Variants in FAM111B observed in about 807,000 individuals in gnomAD.
FAM111B encodes FAM111 trypsin like peptidase B, also known as serine protease FAM111B.
Under a neutral mutation model 2.8 loss-of-function variants are expected in FAM111B, and 1 was observed. The observed-to-expected ratio is 0.36, with a 90% CI of 0.13 to 1.70. FAM111B has a LOEUF of 1.70. Ranked by LOEUF, FAM111B falls within the 40% of genes most tolerant of loss-of-function variation. FAM111B has a pLI of 0.35. For synonymous variants in FAM111B, 297 were observed against 295.6 expected, an observed-to-expected ratio of 1.00 and a Z score of -0.05; for missense variants, 882 against 878.9, an observed-to-expected ratio of 1.00 and a Z score of -0.04.
Position 59,126,130 on chromosome 11 carries a change from A to T in FAM111B, c.2033A>T (p.His678Leu), listed in dbSNP as rs770933468. Residue 678 changes from histidine (H) to leucine (L), a missense_variant, in exon 4 of 4, where the codon CAT (histidine) becomes CTT (leucine). His to Leu is a moderately conservative substitution (Grantham distance 99). Coordinates refer to ENST00000343597, the MANE Select transcript of FAM111B (RefSeq NM_198947.4). ...GLFYQRGFNV[H>L]ALIEFGYSMD... Reference sequence around the variant, plus strand: ...TTTTATCAACGAGGATTTAATGTGCATGCCCTTATTGAATTTGGTTATTCT... The same window carrying T: ...TTTTATCAACGAGGATTTAATGTGCTTGCCCTTATTGAATTTGGTTATTCT... The T allele has an allele frequency of 6.2e-7, 1 of 1,613,118 alleles. No individual in the cohort carries two copies. The highest frequency in any genetic ancestry group is 8.5e-7 in the Non-Finnish European group (1 of 1,179,682).
At chr11:59,113,625 A>G (rs1307182901) in intron 3 of FAM111B, among the ~76,000 whole-genome samples, 2 of 152,202 alleles carry the variant, frequency 1.3e-5, no homozygotes, top group African/African-American at 4.8e-5. Flanking sequence ...TCCTCAAAAG[A>G]GAAACCTCTA....
rs1860000924 is a variant in FAM111B, at chr11:59,125,207, G to T, written c.1110G>T (p.Leu370=). The T allele has an allele frequency of 6.2e-7, 1 of 1,613,980 alleles. No homozygotes were observed. Among genetic ancestry groups the T allele is most frequent in the East Asian group, 2.2e-5 (1 of 44,882 alleles). Residue 370 remains leucine, a synonymous_variant, in exon 4 of 4, where the codon CTG becomes CTT. Coordinates refer to ENST00000343597, the MANE Select transcript of FAM111B (RefSeq NM_198947.4). The part of the protein sequence containing the change: ...INSQVRRRPH[L]GRRYAINLDV... ...CACAAGTTAGACGGAGGCCGCATCT[G>T]GGTAGGCGGTATGCTATTAATCTGG... is the stretch of plus-strand genomic sequence containing the variant.
At chr11:59,116,101 CA>C (rs1324805386) in intron 3 of FAM111B, among the ~76,000 whole-genome samples, 1 of 152,178 alleles carries the variant, frequency 6.6e-6, no homozygotes, top group Non-Finnish European at 1.5e-5. Context: ...TGCTCTGCCC[CA>C]AGGCCTCGAG....
At chr11:59,109,328 T>A (rs1342011464) in intron 2 of FAM111B, among the ~76,000 whole-genome samples, 1 of 152,204 alleles carries the variant, frequency 6.6e-6, no homozygotes. Context: ...CAAAACTCCT[T>A]GCTTGTCTTC....
Position 59,117,668 on chromosome 11 carries a change from C to A in FAM111B, c.82-6511C>A, listed in dbSNP as rs79133462. ...CACCTCCCTCAGAGGTTTCACAGGG[C>A]AAGCTGGGACTGGCACTGAATCCTC... is the stretch of plus-strand genomic sequence containing the variant. On this transcript the variant is annotated intron_variant, in intron 3 of 3. Coordinates refer to ENST00000343597, the MANE Select transcript of FAM111B (RefSeq NM_198947.4). Among the ~76,000 whole-genome samples, 847 of 152,278 alleles carry A rather than the reference C, an allele frequency of 5.6e-3. 6 individuals are homozygous for A. Among genetic ancestry groups the A allele is most frequent in the African/African-American group, 0.019 (779 of 41,546 alleles).
In FAM111B at chr11:59,127,036, C is replaced by T. The variant is rs1860049801; in HGVS notation, c.*734C>T. ...ATAAAGAAAATGTGACACATATACA[C>T]CATAGCATACTACACAGCCATAAAA... is the stretch of plus-strand genomic sequence containing the variant. On this transcript the variant is annotated 3_prime_UTR_variant, in exon 4 of 4. Coordinates refer to ENST00000343597, the MANE Select transcript of FAM111B (RefSeq NM_198947.4). The T allele has an allele frequency of 6.6e-6, 1 of 152,216 alleles. No individual in the cohort carries two copies. The highest frequency in any genetic ancestry group is 2.1e-4 in the South Asian group (1 of 4,822). The allele number at this position is 152,216 out of a possible 1,614,324, so 9.4% of individuals were successfully genotyped here. A position where few individuals can be genotyped will look rare whatever the true frequency, so the allele number is the denominator to read the frequency against.
At chr11:59,120,815 A>G (rs1028615381) in intron 3 of FAM111B, among the ~76,000 whole-genome samples, 4 of 152,342 alleles carry the variant, frequency 2.6e-5, no homozygotes, top group East Asian at 1.9e-4. Flanking sequence ...CCAAATAAGT[A>G]TCACATTTTG....
In FAM111B at chr11:59,124,519, T is replaced by C; in HGVS notation, c.422T>C (p.Ile141Thr). ...GAAGAAAAGACAATAGATGGACATA[T>C]AAATTTAGGAATGCCTCTCAAGTGC... ...VYEEKTIDGH[I>T]NLGMPLKCLP... The change falls in exon 4 of 4, where the codon ATA (isoleucine) becomes ACA (threonine). Residue 141 changes from isoleucine to threonine, a missense_variant. Transcript: ENST00000343597. 6.2e-7 allele frequency: 1 copy of C among 1,613,472 alleles called. No individual in the cohort carries two copies. The highest frequency in any genetic ancestry group is 8.5e-7 in the Non-Finnish European group (1 of 1,179,710).
rs772227005 is a variant in FAM111B, at chr11:59,109,641, A to C, written c.16A>C (p.Thr6Pro). ...TGAACTCATCATGAATTCCATGAAG[A>C]CTGAAGAAAACAAGTCATTTAGCGC... MNSMK[T>P]EENKSFSAME... is the part of the protein sequence containing the mutation. The change falls in exon 3 of 4, where the codon ACT (threonine) becomes CCT (proline). Residue 6 changes from threonine (T) to proline (P), a missense_variant. Transcript: ENST00000343597. 6.2e-7 allele frequency: 1 copy of C among 1,610,838 alleles called. No individual in the cohort carries two copies. The highest frequency in any genetic ancestry group is 8.5e-7 in the Non-Finnish European group (1 of 1,178,194).
chr11:59,121,401 A>G (rs1253016673), intron 3 of FAM111B, among the ~76,000 whole-genome samples: 1 of 152,184 alleles, frequency 6.6e-6, no homozygotes, highest in African/African-American at 2.4e-5. Context: ...GTAAGATGCT[A>G]TTTCACACCC....
intron 3 of FAM111B, among the ~76,000 whole-genome samples, chr11:59,116,929 C>A (rs1013965316): frequency 6.6e-6 from 1 of 152,214 alleles, no homozygotes; most frequent in Non-Finnish European, 1.5e-5. Flanking sequence ...CCCTTCTGGA[C>A]CTGGGCATCC....
Position 59,126,497 on chromosome 11 carries a change from C to A in FAM111B, c.*195C>A. 3 of 451,302 alleles carry A rather than the reference C, an allele frequency of 6.6e-6. No homozygotes were observed. Among genetic ancestry groups the A allele is most frequent in the Non-Finnish European group, 1.2e-5 (3 of 259,236 alleles). The allele number at this position is 451,302 out of a possible 1,614,324, so 28.0% of individuals were successfully genotyped here. A position where few individuals can be genotyped will look rare whatever the true frequency, so the allele number is the denominator to read the frequency against. ...TGGGAGAAAATATTTGCAAACTATG[C>A]ATACAGCAAAGATCTAATATTCAGA... On this transcript the variant is annotated 3_prime_UTR_variant, in exon 4 of 4. Coordinates refer to ENST00000343597, the MANE Select transcript of FAM111B (RefSeq NM_198947.4).
chr11:59,117,802 C>A (rs2135399720), intron 3 of FAM111B, among the ~76,000 whole-genome samples: 1 of 152,332 alleles, frequency 6.6e-6, no homozygotes, highest in South Asian at 2.1e-4. Context: ...CTCCTGTTAC[C>A]AGTGGAGGGT....
rs1005339712 is a variant in FAM111B at position 59,116,554 on chromosome 11, T to C, written c.81+6848T>C. On this transcript the variant is annotated intron_variant, in intron 3 of 3. Transcript: ENST00000343597. ...GCCCCTCTTCTGGAGCCCAGAGCTA[T>C]AGAGGGAAGAGTGACTGGCTTCTAG... Among the ~76,000 whole-genome samples, 3 of 152,114 alleles carry C rather than the reference T, an allele frequency of 2.0e-5. No homozygotes were observed. The East Asian group carries it at 5.8e-4, about 29-fold the overall frequency.
Position 59,107,469 on chromosome 11 carries a change from T to C in FAM111B, c.-132+173T>C, listed in dbSNP as rs114738225. On this transcript the variant is annotated intron_variant, in intron 1 of 3. Coordinates refer to ENST00000343597, the MANE Select transcript of FAM111B (RefSeq NM_198947.4). Reference sequence around the variant, plus strand: ...TCTCAGCTTCAAAGGCCAAGAGTTGTACTCCTGAAGAGATACTTAGAGATC... The same window carrying C: ...TCTCAGCTTCAAAGGCCAAGAGTTGCACTCCTGAAGAGATACTTAGAGATC... Among the ~76,000 whole-genome samples the C allele has an allele frequency of 1.8e-3, 274 of 152,352 alleles. 1 individual carries two copies. Among genetic ancestry groups the C allele is most frequent in the African/African-American group, 6.3e-3 (264 of 41,584 alleles).
In FAM111B at chr11:59,114,022, T is replaced by G. The variant is rs190923945; in HGVS notation, c.81+4316T>G. Among the ~76,000 whole-genome samples, 74 of 152,262 alleles carry G rather than the reference T, an allele frequency of 4.9e-4. No individual in the cohort carries two copies. In the East Asian group the frequency reaches 0.013, roughly 27 times the overall value. On this transcript the variant is annotated intron_variant, in intron 3 of 3. Coordinates refer to ENST00000343597, the MANE Select transcript of FAM111B (RefSeq NM_198947.4). Reference sequence around the variant, plus strand: ...AGAGATTATCCAGGAAACAGACAAATAGAAAGTTTTCGCTAGTGGATCAAG... The same window carrying G: ...AGAGATTATCCAGGAAACAGACAAAGAGAAAGTTTTCGCTAGTGGATCAAG...
chr11:59,109,585 A>G lies in FAM111B; in HGVS notation c.-41A>G. 4 of 1,329,364 alleles carry G rather than the reference A, an allele frequency of 3.0e-6. No individual in the cohort carries two copies. The highest frequency in any genetic ancestry group is 4.2e-6 in the Non-Finnish European group (4 of 956,254). 82.3% of individuals were successfully genotyped at this position (1,329,364 alleles called of 1,614,324 possible). ...AATTCAATCCTTGTTTCTCCATCTT[A>G]TCGAGTAGTAGAAGTTAGTTACATT... is the stretch of plus-strand genomic sequence containing the variant. On this transcript the variant is annotated 5_prime_UTR_variant, in exon 3 of 4. Transcript: ENST00000343597.
intron 3 of FAM111B, among the ~76,000 whole-genome samples, chr11:59,117,832 G>C (rs180901216): frequency 1.3e-5 from 2 of 152,188 alleles, no homozygotes; most frequent in East Asian, 1.9e-4. Context: ...AAGTTGTCCT[G>C]GTTCCTGGCA....
chr11:59,123,265 A>C (rs1301843525), intron 3 of FAM111B, among the ~76,000 whole-genome samples: 1 of 152,224 alleles, frequency 6.6e-6, no homozygotes, highest in African/African-American at 2.4e-5. Context: ...CTAGTAAGTG[A>C]ATAAATGTAC....
Sources: allele counts gnomAD v4.1 joint callset (sites outside exome capture counted in the v4.1 genomes callset), GRCh38; gene constraint gnomAD v4.1.1; transcripts MANE v1.5; gene names NCBI Gene and HGNC (gene_info 2026-07-23, HGNC 2026-07-21).